CNTN4: variants seen among roughly 807,000 people sequenced by gnomAD.
The protein encoded by CNTN4 is contactin 4.
In CNTN4, 77 loss-of-function variants were observed where a neutral mutation model predicts 122.5. The observed-to-expected ratio is 0.63, with a 90% CI of 0.52 to 0.76. CNTN4 has a LOEUF of 0.76. Ranked by LOEUF, CNTN4 falls within the 30% of genes least tolerant of loss-of-function variation. CNTN4 has a pLI of 0.00. For synonymous variants in CNTN4, 512 were observed against 447.0 expected (o/e 1.15, Z -1.83); for missense variants, 1,256 against 1,259.1 (o/e 1.00, Z 0.04).
chr3:2,854,665 AT>A (rs1403376609), intron 7 of CNTN4, among the ~76,000 whole-genome samples: 2 of 152,148 alleles, frequency 1.3e-5, no homozygotes, highest in Admixed American at 6.5e-5. Context: ...CACAAGTTTA[AT>A]CAAGGAGAAT....
At chr3:2,632,474 C>T (rs1456674947) in intron 4 of CNTN4, among the ~76,000 whole-genome samples, 3 of 152,158 alleles carry the variant, frequency 2.0e-5, no homozygotes, top group Non-Finnish European at 4.4e-5. Flanking sequence ...ACCAGAATTA[C>T]ACTCAACATG....
chr3:2,304,302 A>G (rs1412281022), intron 2 of CNTN4, among the ~76,000 whole-genome samples: 1 of 152,168 alleles, frequency 6.6e-6, no homozygotes. Flanking sequence ...CTTAGTTACA[A>G]TGCTCAATCT....
intron 2 of CNTN4, among the ~76,000 whole-genome samples, chr3:2,201,521 A>G (rs776887624): frequency 5.9e-5 from 9 of 152,168 alleles, no homozygotes; most frequent in Admixed American, 1.3e-4. Flanking sequence ...ACATCCAGGT[A>G]CCTTCTTCCT....
chr3:2,849,812 C>G (rs1364287083), intron 7 of CNTN4, among the ~76,000 whole-genome samples: 1 of 152,156 alleles, frequency 6.6e-6, no homozygotes, highest in Non-Finnish European at 1.5e-5. Context: ...TAATGTGAGT[C>G]AGGTGGAGAT....
chr3:2,193,480 A>T (rs1335797912), intron 2 of CNTN4, among the ~76,000 whole-genome samples: 1 of 152,208 alleles, frequency 6.6e-6, no homozygotes, highest in Non-Finnish European at 1.5e-5. Flanking sequence ...TTACTGGTTA[A>T]AGGATACTGT....
chr3:2,816,261 G>A (rs1211495367), intron 6 of CNTN4, among the ~76,000 whole-genome samples: 1 of 148,698 alleles, frequency 6.7e-6, no homozygotes, highest in Admixed American at 6.6e-5. Flanking sequence ...GGCTGAGGCA[G>A]GAGAATGGCG....
At chr3:2,886,286 A>G (rs2093977075) in intron 9 of CNTN4, among the ~76,000 whole-genome samples, 2 of 151,732 alleles carry the variant, frequency 1.3e-5, no homozygotes, top group African/African-American at 4.8e-5. Context: ...AGTCCTAGCT[A>G]CTTGGGAGGC....
chr3:2,471,570 G>A (rs571564505), intron 3 of CNTN4, among the ~76,000 whole-genome samples: 2 of 152,204 alleles, frequency 1.3e-5, no homozygotes, highest in South Asian at 4.1e-4. Context: ...TCAAGGAATA[G>A]TGCCCTTTTA....
At chr3:2,440,180 T>G (rs2048384212) in intron 3 of CNTN4, among the ~76,000 whole-genome samples, 1 of 152,194 alleles carries the variant, frequency 6.6e-6, no homozygotes. Flanking sequence ...TTAGGGTACA[T>G]GTGCACAACG....
chr3:2,742,059 G>C (rs903756875), intron 5 of CNTN4, among the ~76,000 whole-genome samples: 8 of 152,302 alleles, frequency 5.3e-5, no homozygotes, highest in South Asian at 4.1e-4. Context: ...GAAAGAGCAA[G>C]ACAAAGAATG....
intron 3 of CNTN4, among the ~76,000 whole-genome samples, chr3:2,462,672 A>G (rs559761362): frequency 8.5e-5 from 13 of 152,344 alleles, no homozygotes; most frequent in African/African-American, 3.1e-4. Flanking sequence ...ATATTTTTAT[A>G]CCTACATTGT....
intron 2 of CNTN4, among the ~76,000 whole-genome samples, chr3:2,169,769 ACTGTTT>A: frequency 6.6e-6 from 1 of 152,250 alleles, no homozygotes; most frequent in East Asian, 1.9e-4. Context: ...AAACAGTAAA[ACTGTTT>A]CTGTTTTAAG....
chr3:2,151,473 A>C (rs532176343), intron 2 of CNTN4, among the ~76,000 whole-genome samples: 1 of 152,114 alleles, frequency 6.6e-6, no homozygotes. Flanking sequence ...TAAATGACTG[A>C]ACACATTTCT....
intron 3 of CNTN4, among the ~76,000 whole-genome samples, chr3:2,395,961 G>T (rs1478251224): frequency 6.6e-6 from 1 of 152,072 alleles, no homozygotes; most frequent in Non-Finnish European, 1.5e-5. Flanking sequence ...ACATGCTCGT[G>T]TAGGAATGAG....
At chr3:2,805,616 TG>T (rs1462570456) in intron 6 of CNTN4, among the ~76,000 whole-genome samples, 1 of 152,092 alleles carries the variant, frequency 6.6e-6, no homozygotes, top group Non-Finnish European at 1.5e-5. Context: ...TGTGGTGAGG[TG>T]AGGCTGTACC....
intron 4 of CNTN4, among the ~76,000 whole-genome samples, chr3:2,607,165 G>A (rs913132759): frequency 2.6e-5 from 4 of 152,100 alleles, no homozygotes; most frequent in Non-Finnish European, 4.4e-5. Flanking sequence ...GTCTGTTTTT[G>A]CTAGAAACTG....
At chr3:2,505,671 A>G (rs1005555989) in intron 3 of CNTN4, among the ~76,000 whole-genome samples, 2 of 152,220 alleles carry the variant, frequency 1.3e-5, no homozygotes, top group African/African-American at 2.4e-5. Flanking sequence ...CATTAATTTC[A>G]TATTCTCAGA....
At chr3:2,128,978 T>G (rs548861005) in intron 2 of CNTN4, among the ~76,000 whole-genome samples, 1 of 152,272 alleles carries the variant, frequency 6.6e-6, no homozygotes, top group African/African-American at 2.4e-5. Flanking sequence ...TAGAGAATAA[T>G]TATCCAAAAT....
At chr3:2,917,744 A>G (rs929903974) in intron 12 of CNTN4, among the ~76,000 whole-genome samples, 2 of 152,212 alleles carry the variant, frequency 1.3e-5, no homozygotes, top group Non-Finnish European at 2.9e-5. Context: ...AAGCCATCAC[A>G]GCAGAGTACC....
Sources: gnomAD v4.1 joint callset for allele counts (sites outside exome capture counted in the v4.1 genomes callset) on GRCh38, gnomAD v4.1.1 for gene constraint, MANE v1.5 for transcripts, NCBI Gene and HGNC (gene_info 2026-07-23, HGNC 2026-07-21) for gene names.